The following SLC35F1 variants were observed in gnomAD, a reference collection of about 807,000 sequenced individuals.
SLC35F1 encodes the protein chromosome 6 open reading frame 169.
SLC35F1 carries 14 observed loss-of-function variants against 48.7 expected under a neutral mutation model. The ratio of observed to expected loss-of-function variants is 0.29; its 90% confidence interval spans 0.19 to 0.45. The LOEUF (loss-of-function observed/expected upper bound fraction) is 0.45. SLC35F1 is among the 20% of genes least tolerant of loss of function. SLC35F1 has a pLI of 1.00. For missense variants in SLC35F1, 404 were observed against 500.0 expected (o/e 0.81, Z 1.83); for synonymous variants, 190 against 202.2 (o/e 0.94, Z 0.51).
At chr6:117,908,099 G>C (rs1160454700) in intron 1 of SLC35F1, among the ~76,000 whole-genome samples, 200 bp downstream of exon 1, 1 of 152,230 alleles carries the variant, frequency 6.6e-6, no homozygotes, top group Non-Finnish European at 1.5e-5. Flanking sequence ...GAGCCCTGGA[G>C]TGGTGGAGCT....
intron 1 of SLC35F1, among the ~76,000 whole-genome samples, chr6:118,024,069 C>T (rs1367812391): frequency 6.6e-6 from 1 of 152,148 alleles, no homozygotes; most frequent in Non-Finnish European, 1.5e-5. Flanking sequence ...AGTTACTATA[C>T]TCGGACTTTA....
At chr6:117,959,398 C>T (rs1776466451) in intron 1 of SLC35F1, among the ~76,000 whole-genome samples, 1 of 152,078 alleles carries the variant, frequency 6.6e-6, no homozygotes, top group Non-Finnish European at 1.5e-5. Flanking sequence ...CCTCCAGGTC[C>T]AGGACTTATG....
In SLC35F1 at chr6:118,221,160, G is replaced by C. The variant is rs1775141951; in HGVS notation, c.350-14349G>C. 2.0e-5 allele frequency among the ~76,000 whole-genome samples: 3 copies of C among 152,036 alleles called. No individual in the cohort carries two copies. In the South Asian group the frequency reaches 6.2e-4, roughly 32 times the overall value. ...AGACAGCACTACCATGCCTTGAGAG[G>C]GTGACTATTTAGCTTCTGAAGCTTC... On this transcript the variant is annotated intron_variant, in intron 2 of 7. Transcript: ENST00000360388.
chr6:118,260,351 T>G (rs1331033453), intron 3 of SLC35F1, among the ~76,000 whole-genome samples: 1 of 152,098 alleles, frequency 6.6e-6, no homozygotes, highest in Non-Finnish European at 1.5e-5. Context: ...ATTGCATACT[T>G]TAAAAGGGTG....
chr6:118,275,381 T>C, intron 4 of SLC35F1, 78 bp from the exon 5 acceptor site: 1 of 1,469,726 alleles, frequency 6.8e-7, no homozygotes, highest in Non-Finnish European at 9.2e-7. Flanking sequence ...CAAGGGAAGC[T>C]CAATTTGCCG....
intron 3 of SLC35F1, among the ~76,000 whole-genome samples, chr6:118,243,835 CT>C (rs1775470985): frequency 6.6e-6 from 1 of 152,184 alleles, no homozygotes. Context: ...TTTATCCTTG[CT>C]GTTTTTACCT....
intron 2 of SLC35F1, among the ~76,000 whole-genome samples, chr6:118,223,455 A>G (rs1013504044): frequency 1.3e-5 from 2 of 152,178 alleles, no homozygotes; most frequent in Non-Finnish European, 2.9e-5. Flanking sequence ...TCCCAAGGTG[A>G]CACAGCCAGT....
chr6:118,314,269 C>T lies in SLC35F1; in HGVS notation c.*17C>T. ...GTGGCCTAGGGTGAGGCCCGCCCTG[C>T]CAACTGAGGCCAACTCATTGGCCAT... On this transcript the variant is annotated 3_prime_UTR_variant, in exon 8 of 8. Transcript: ENST00000360388. 6.2e-7 allele frequency: 1 copy of T among 1,604,994 alleles called. No individual in the cohort carries two copies. Among genetic ancestry groups the T allele is most frequent in the Non-Finnish European group, 8.5e-7 (1 of 1,171,896 alleles).
At chr6:118,105,029 TGAA>T (rs756097521) in intron 1 of SLC35F1, among the ~76,000 whole-genome samples, 2 of 152,224 alleles carry the variant, frequency 1.3e-5, no homozygotes, top group Non-Finnish European at 2.9e-5. Context: ...GGGTTTCTCT[TGAA>T]GACACCATTT....
intron 2 of SLC35F1, among the ~76,000 whole-genome samples, chr6:118,176,211 C>T (rs548361773): frequency 3.5e-4 from 53 of 152,240 alleles, no homozygotes; most frequent in African/African-American, 9.4e-4. Flanking sequence ...GCACACCCCA[C>T]GCACACTTTT....
intron 2 of SLC35F1, among the ~76,000 whole-genome samples, chr6:118,193,608 AT>A (rs1230231239): frequency 6.6e-6 from 1 of 152,082 alleles, no homozygotes; most frequent in Admixed American, 6.5e-5. Context: ...GCATGTAAAA[AT>A]TTTTTTCAGT....
intron 1 of SLC35F1, among the ~76,000 whole-genome samples, chr6:117,963,791 T>C (rs1299138299): frequency 2.0e-5 from 3 of 152,054 alleles, no homozygotes; most frequent in African/African-American, 7.2e-5. Context: ...CACCACTTTA[T>C]TTTTTTTAAA....
intron 2 of SLC35F1, among the ~76,000 whole-genome samples, chr6:118,203,693 A>G (rs914200998): frequency 2.6e-5 from 4 of 152,232 alleles, no homozygotes; most frequent in Non-Finnish European, 5.9e-5. Flanking sequence ...CAGAGGAGAA[A>G]AAAACTGCAA....
chr6:118,313,893 A>G (rs772494011), intron 7 of SLC35F1, 135 bp from the exon 8 acceptor site: 4 of 739,162 alleles, frequency 5.4e-6, no homozygotes, highest in South Asian at 1.7e-5. Context: ...TTCATTCTCC[A>G]TCAACGGTGT....
At chr6:118,151,115 T>C (rs1220565781) in intron 1 of SLC35F1, among the ~76,000 whole-genome samples, 1 of 152,144 alleles carries the variant, frequency 6.6e-6, no homozygotes, top group Non-Finnish European at 1.5e-5. Context: ...TTTGGTTTCC[T>C]TAACACCAAA....
In SLC35F1 at chr6:118,247,783, T is replaced by C. The variant is rs568343227; in HGVS notation, c.477+12147T>C. Among the ~76,000 whole-genome samples the C allele has an allele frequency of 7.4e-4, 111 of 150,456 alleles. 1 individual carries two copies. Among genetic ancestry groups the C allele is most frequent in the African/African-American group, 2.8e-3 (110 of 39,810 alleles). ...GTGGATAAGGTTGGATAGGCAAATA[T>C]ATCATTCTTCAAAGTGCTATCTTTT... On this transcript the variant is annotated intron_variant, in intron 3 of 7. Transcript: ENST00000360388.
intron 1 of SLC35F1, among the ~76,000 whole-genome samples, chr6:118,149,400 T>G (rs79235723): frequency 0.013 from 1,993 of 152,294 alleles, 39 homozygotes; most frequent in African/African-American, 0.045. Context: ...CAAATGGATT[T>G]GTCCTGTGCT....
chr6:118,070,547 C>G (rs1158662645), intron 1 of SLC35F1, among the ~76,000 whole-genome samples: 1 of 152,004 alleles, frequency 6.6e-6, no homozygotes, highest in Non-Finnish European at 1.5e-5. Context: ...TAATTGAATA[C>G]TATCAAATTT....
chr6:117,960,446 G>A (rs1016343028), intron 1 of SLC35F1, among the ~76,000 whole-genome samples: 1 of 151,946 alleles, frequency 6.6e-6, no homozygotes, highest in Non-Finnish European at 1.5e-5. Context: ...GCTCATCATT[G>A]ATTTGGTTTC....
Sources: allele counts gnomAD v4.1 joint callset (sites outside exome capture counted in the v4.1 genomes callset), GRCh38; gene constraint gnomAD v4.1.1; transcripts MANE v1.5; gene names NCBI Gene and HGNC (gene_info 2026-07-23, HGNC 2026-07-21).